The following MYO1B variants were observed in gnomAD, a reference collection of about 807,000 sequenced individuals.
MYO1B encodes the protein unconventional myosin-Ib.
Under a neutral mutation model 159.7 loss-of-function variants are expected in MYO1B, and 72 were observed. The observed-to-expected ratio is 0.45, with a 90% CI of 0.37 to 0.55. The LOEUF (loss-of-function observed/expected upper bound fraction) is 0.55, where lower values mean the gene tolerates loss of function less well. Among genes scored for constraint, MYO1B ranks in the 20% least tolerant of loss-of-function variants. The pLI, the probability that MYO1B is intolerant of heterozygous loss-of-function variation, is 0.00. For synonymous variants in MYO1B, 468 were observed against 473.8 expected (o/e 0.99, Z 0.16); for missense variants, 1,062 against 1,364.8 (o/e 0.78, Z 3.50).
At chr2:191,265,862 A>G (rs1687108292) in intron 1 of MYO1B, among the ~76,000 whole-genome samples, 1 of 151,958 alleles carries the variant, frequency 6.6e-6, no homozygotes, top group Non-Finnish European at 1.5e-5. Context: ...TTAATTCTCC[A>G]GTCATTGTGA....
At chr2:191,257,320 G>A (rs962331331) in intron 1 of MYO1B, among the ~76,000 whole-genome samples, 1 of 152,100 alleles carries the variant, frequency 6.6e-6, no homozygotes, top group Non-Finnish European at 1.5e-5. Context: ...TGGAAGATTG[G>A]GTGGCTGCAA....
At chr2:191,350,336 G>T in intron 7 of MYO1B, 111 bp downstream of exon 7, 1 of 693,912 alleles carries the variant, frequency 1.4e-6, no homozygotes, top group Non-Finnish European at 2.4e-6. Flanking sequence ...ATGTTTCCTT[G>T]CTTTATATTT....
At chr2:191,309,787 C>T (rs1333878056) in intron 3 of MYO1B, among the ~76,000 whole-genome samples, 2 of 152,222 alleles carry the variant, frequency 1.3e-5, no homozygotes, top group Non-Finnish European at 2.9e-5. Flanking sequence ...TCTTAGGCTA[C>T]TTTATTTTTC....
chr2:191,355,076 GGA>G (rs1455938897), intron 7 of MYO1B, among the ~76,000 whole-genome samples: 1 of 152,180 alleles, frequency 6.6e-6, no homozygotes, highest in East Asian at 1.9e-4. Context: ...TTTATATATT[GGA>G]GTTTGTCCTC....
At chr2:191,277,922 A>G (rs1035272130) in intron 2 of MYO1B, among the ~76,000 whole-genome samples, 2 of 152,244 alleles carry the variant, frequency 1.3e-5, no homozygotes, top group East Asian at 1.9e-4. Context: ...TTTTCTGTTT[A>G]TCATTCTAGG....
chr2:191,333,115 A>G (rs892984493), intron 4 of MYO1B, among the ~76,000 whole-genome samples: 4 of 152,190 alleles, frequency 2.6e-5, no homozygotes, highest in Admixed American at 6.5e-5. Flanking sequence ...AAATATGTCT[A>G]TCTTACTAAA....
chr2:191,288,368 G>A (rs1324280393), intron 2 of MYO1B, among the ~76,000 whole-genome samples: 3 of 151,946 alleles, frequency 2.0e-5, no homozygotes, highest in South Asian at 2.1e-4. Flanking sequence ...TTTTTAGACC[G>A]CTCAAGCTGT....
At position 191,409,095 on chromosome 2, in the gene MYO1B, A is replaced by G. The variant is rs753756049; in HGVS notation, c.2683A>G (p.Ile895Val). Residue 895 changes from isoleucine (I) to valine (V), a missense_variant, in exon 26 of 31, where the codon ATA becomes GTA. By Grantham distance (29) the Ile-to-Val change is conservative (BLOSUM62 3). Coordinates refer to ENST00000392318, the MANE Select transcript of MYO1B (RefSeq NM_001130158.3). Reference protein sequence around the residue: ...MKNKMPSLSPIDKNWPSRPYL... With the variant: ...MKNKMPSLSPVDKNWPSRPYL... ...AAATAAGATGCCTTCCTTATCTCCAATAGACAAGAATTGGCCCTCAAGACC... is the reference window on the plus strand; with the variant it reads ...AAATAAGATGCCTTCCTTATCTCCAGTAGACAAGAATTGGCCCTCAAGACC... 17 of 1,613,298 alleles carry G rather than the reference A, an allele frequency of 1.1e-5. No homozygotes were observed. The highest frequency in any genetic ancestry group is 1.6e-4 in the Middle Eastern group (1 of 6,070).
At chr2:191,416,051 G>T in intron 29 of MYO1B, 64 bp from the exon 30 acceptor site, 1 of 1,538,890 alleles carries the variant, frequency 6.5e-7, no homozygotes. Context: ...TTTTAGCCAA[G>T]CCTGTAAATA....
intron 7 of MYO1B, among the ~76,000 whole-genome samples, chr2:191,359,619 G>T (rs754986297): frequency 6.6e-6 from 1 of 151,964 alleles, no homozygotes; most frequent in Admixed American, 6.6e-5. Context: ...GCTGGTGTAG[G>T]TTCCAGAAAT....
chr2:191,399,855 C>A (rs1438708812), intron 21 of MYO1B, among the ~76,000 whole-genome samples: 2 of 152,296 alleles, frequency 1.3e-5, no homozygotes, highest in East Asian at 3.9e-4. Context: ...AGAGGAAGGA[C>A]CCAAAGTCCA....
intron 20 of MYO1B, among the ~76,000 whole-genome samples, chr2:191,394,708 C>T (rs368131416): frequency 3.3e-5 from 5 of 152,038 alleles, no homozygotes; most frequent in Admixed American, 2.0e-4. Flanking sequence ...GCCATTTGAT[C>T]GGAAGGATGA....
chr2:191,246,598 A>G (rs1243832295), intron 1 of MYO1B, among the ~76,000 whole-genome samples: 1 of 149,514 alleles, frequency 6.7e-6, no homozygotes, highest in Non-Finnish European at 1.5e-5. Context: ...GCTATGAACT[A>G]TGGTATTGGT....
At chr2:191,335,156 C>T (rs113938877) in intron 4 of MYO1B, among the ~76,000 whole-genome samples, 3 of 152,164 alleles carry the variant, frequency 2.0e-5, no homozygotes, top group African/African-American at 4.8e-5. Flanking sequence ...AGGTGGATAC[C>T]GCTCCTGAGA....
intron 1 of MYO1B, among the ~76,000 whole-genome samples, chr2:191,256,471 G>A (rs1686457353): frequency 6.6e-6 from 1 of 152,056 alleles, no homozygotes; most frequent in South Asian, 2.1e-4. Flanking sequence ...CTTTCCTGGG[G>A]TTCCTCCTCC....
chr2:191,310,863 G>A (rs1046308372), intron 3 of MYO1B, among the ~76,000 whole-genome samples: 2 of 152,164 alleles, frequency 1.3e-5, no homozygotes, highest in African/African-American at 4.8e-5. Context: ...GTGTGTAAAT[G>A]CAATTTTTTA....
chr2:191,400,841 T>G lies in MYO1B; in HGVS notation c.2469+6T>G. 1 of 1,612,706 alleles carries G rather than the reference T, an allele frequency of 6.2e-7. No homozygotes were observed. Among genetic ancestry groups the G allele is most frequent in the Non-Finnish European group, 8.5e-7 (1 of 1,178,818 alleles). ...CTTACTGGCTTGGATCTAAGGTACT[T>G]GATGCACATATCCCAACACTCCATC... is the stretch of plus-strand genomic sequence containing the variant. On this transcript the variant is annotated splice_donor_region_variant and intron_variant, in intron 23 of 30. Transcript: ENST00000392318.
chr2:191,398,348 C>T (rs1696315910), intron 21 of MYO1B, among the ~76,000 whole-genome samples: 1 of 124,060 alleles, frequency 8.1e-6, no homozygotes, highest in Non-Finnish European at 1.8e-5. Flanking sequence ...GGGGGCTCCT[C>T]ACTTCCCAGT....
At chr2:191,358,742 G>A (rs1376841981) in intron 7 of MYO1B, among the ~76,000 whole-genome samples, 1 of 152,210 alleles carries the variant, frequency 6.6e-6, no homozygotes, top group Admixed American at 6.5e-5. Context: ...TGTAAGGTGA[G>A]AGGACAGCAG....
Sources: allele counts gnomAD v4.1 joint callset (sites outside exome capture counted in the v4.1 genomes callset), GRCh38; gene constraint gnomAD v4.1.1; transcripts MANE v1.5; gene names NCBI Gene and HGNC (gene_info 2026-07-23, HGNC 2026-07-21).